Variants in RPL26 observed in about 807,000 individuals in gnomAD.
The protein encoded by RPL26 is large ribosomal subunit protein uL24.
A neutral mutation model predicts 16.2 loss-of-function variants in RPL26; 1 was observed. The ratio of observed to expected loss-of-function variants is 0.06; its 90% CI spans 0.02 to 0.29. The LOEUF is 0.29. Among genes scored for constraint, RPL26 ranks in the 10% least tolerant of loss-of-function variants. RPL26 has a pLI of 1.00. For synonymous variants in RPL26, 55 were observed against 62.4 expected (o/e 0.88, Z 0.56); for missense variants, 102 against 184.3 (o/e 0.55, Z 2.58).
Position 8,377,689 on chromosome 17 carries a change from C to T in RPL26, c.313G>A (p.Val105Ile), listed in dbSNP as rs375536189. ...TTGTCCAGTTTTAGCCTAGTGATAA[C>T]CACCTGCAGAAAAATAAGAAAAAAA... ...VHVGIHPSKV[V>I]ITRLKLDKDR... is the part of the protein sequence containing the mutation. The change falls in exon 4 of 4, where the codon GTT (valine) becomes ATT (isoleucine). Residue 105 changes from valine (V) to isoleucine (I), a missense_variant. Physicochemically the swap from Val to Ile is conservative, Grantham distance 29. Coordinates refer to ENST00000648839, the MANE Select transcript of RPL26 (RefSeq NM_000987.5). 1 of 1,602,218 alleles carries T rather than the reference C, an allele frequency of 6.2e-7. No homozygotes were observed. Among genetic ancestry groups the T allele is most frequent in the African/African-American group, 1.3e-5 (1 of 74,362 alleles).
intron 2 of RPL26, 76 bp from the exon 3 acceptor site, chr17:8,380,012 T>C (rs1567705000): frequency 8.3e-7 from 1 of 1,208,684 alleles, no homozygotes; most frequent in Non-Finnish European, 1.2e-6. Context: ...AACTCATGCA[T>C]ACACCATTCA....
chr17:8,383,027 A>G (rs1597497000), intron 1 of RPL26, 130 bp downstream of exon 1: 4 of 398,112 alleles, frequency 1.0e-5, no homozygotes, highest in Middle Eastern at 6.2e-4. Flanking sequence ...CAGATAAAAA[A>G]CCATCCCAGT....
At chr17:8,381,904 G>A (rs545198103) in intron 2 of RPL26, 6 of 352,458 alleles carry the variant, frequency 1.7e-5, no homozygotes, top group Non-Finnish European at 5.1e-6. Flanking sequence ...ACTCCAGCCT[G>A]GGGGGGACAA....
At chr17:8,380,325 T>A (rs930332047) in intron 2 of RPL26, among the ~76,000 whole-genome samples, 2 of 152,212 alleles carry the variant, frequency 1.3e-5, no homozygotes, top group Non-Finnish European at 1.5e-5. Context: ...TTGGTATGTA[T>A]TGAAAACAGA....
intron 2 of RPL26, 126 bp from the exon 3 acceptor site, chr17:8,380,062 T>C: frequency 1.4e-6 from 1 of 697,384 alleles, no homozygotes; most frequent in Non-Finnish European, 2.4e-6. Flanking sequence ...AAGAGCCCAC[T>C]TCGGCAACCT....
At chr17:8,381,229 A>G (rs1299326804) in intron 2 of RPL26, 1 of 152,106 alleles carries the variant, frequency 6.6e-6, no homozygotes, top group South Asian at 2.1e-4. Flanking sequence ...TTATCCTTAA[A>G]AAAACTCCCA....
intron 1 of RPL26, chr17:8,382,663 G>A: frequency 6.9e-6 from 2 of 291,156 alleles, no homozygotes; most frequent in Non-Finnish European, 6.3e-6. Context: ...GACCGACAAC[G>A]CAATTCTCTT....
rs765031888 is a variant in RPL26 at position 8,379,826 on chromosome 17, T to G, written c.279A>C (p.Thr93=). ...ERVQREKANG[T]TVHVGIHPSK... is the part of the protein sequence containing the mutation. ...TGGGGTGAATGCCTACGTGGACAGT[T>G]GTGCCATTAGCCTTTTCCCGCTGCA... The change falls in exon 3 of 4, where the codon ACA becomes ACC. Residue 93 remains threonine (T), a synonymous_variant. Coordinates refer to ENST00000648839, the MANE Select transcript of RPL26 (RefSeq NM_000987.5). The G allele has an allele frequency of 4.3e-6, 7 of 1,613,802 alleles. 1 individual carries two copies. The South Asian group carries it at 7.7e-5, about 18-fold the overall frequency.
intron 1 of RPL26, 128 bp from the exon 2 acceptor site, chr17:8,382,443 C>A (rs917271766): frequency 5.9e-6 from 4 of 672,396 alleles, no homozygotes; most frequent in East Asian, 5.8e-5. Context: ...GCAACTTCAA[C>A]AAAAACTGTT....
chr17:8,383,173 G>A lies in RPL26; in HGVS notation c.-22C>T, dbSNP rs1193529815. ...AATCCTTACCCGCTCCCGCTTCGGT[G>A]ATGGCCGCAAAAGGGAAGAGAACTA... is the stretch of plus-strand genomic sequence containing the variant. On this transcript the variant is annotated 5_prime_UTR_variant, in exon 1 of 4. Coordinates refer to ENST00000648839, the MANE Select transcript of RPL26 (RefSeq NM_000987.5). 2.5e-6 allele frequency: 1 copy of A among 398,500 alleles called. No individual in the cohort carries two copies. Among genetic ancestry groups the A allele is most frequent in the South Asian group, 1.3e-4 (1 of 7,856 alleles). The allele number at this position is 398,500 out of a possible 1,614,324, so 24.7% of individuals were successfully genotyped here.
intron 2 of RPL26, chr17:8,380,967 G>A (rs1907381673): frequency 1.3e-5 from 2 of 152,142 alleles, no homozygotes; most frequent in South Asian, 2.1e-4. Context: ...TACAGTTTAG[G>A]CAGCTAGAGG....
At position 8,382,206 on chromosome 17, in the gene RPL26, G is replaced by C. The variant is rs1907452738; in HGVS notation, c.105C>G (p.Ser35=). 1.2e-6 allele frequency: 2 copies of C among 1,613,798 alleles called. No homozygotes were observed. Among genetic ancestry groups the C allele is most frequent in the Non-Finnish European group, 1.7e-6 (2 of 1,179,728 alleles). The change falls in exon 2 of 4, where the codon TCC becomes TCG. Residue 35 remains serine (S), a synonymous_variant. Transcript: ENST00000648839. ...IRRKIMSSPL[S]KELRQKYNVR... is the part of the protein sequence containing the mutation. Reference sequence around the variant, plus strand: ...CGTTGTACTTCTGTCTCAGCTCTTTGGAAAGAGGGGAAGACATAATCTTCC... The same window carrying C: ...CGTTGTACTTCTGTCTCAGCTCTTTCGAAAGAGGGGAAGACATAATCTTCC...
rs776719793 is a variant in RPL26 at position 8,377,596 on chromosome 17, T to G, written c.406A>C (p.Lys136Gln). 1 of 1,602,548 alleles carries G rather than the reference T, an allele frequency of 6.2e-7. No homozygotes were observed. The highest frequency in any genetic ancestry group is 1.1e-5 in the South Asian group (1 of 90,882). The part of the protein sequence containing the change: ...RQVGKEKGKY[K>Q]EETIEKMQE Reference sequence around the variant, plus strand: ...TGCATCTTCTCAATGGTTTCTTCCTTGTATTTGCCCTTTTCCTTTCCTACT... The same window carrying G: ...TGCATCTTCTCAATGGTTTCTTCCTGGTATTTGCCCTTTTCCTTTCCTACT... The change falls in exon 4 of 4, where the codon AAG becomes CAG. Residue 136 changes from lysine (K) to glutamine (Q), a missense_variant. By Grantham distance (53) the Lys-to-Gln change is moderately conservative. Coordinates refer to ENST00000648839, the MANE Select transcript of RPL26 (RefSeq NM_000987.5).
At chr17:8,380,418 T>C (rs893958143) in intron 2 of RPL26, among the ~76,000 whole-genome samples, 3 of 152,206 alleles carry the variant, frequency 2.0e-5, no homozygotes, top group African/African-American at 7.2e-5. Flanking sequence ...CACTGCTTGT[T>C]TGGGAACCCA....
At position 8,377,792 on chromosome 17, in the gene RPL26, G is replaced by A. The variant is rs183639599; in HGVS notation, c.310-100C>T. 1.4e-4 allele frequency: 147 copies of A among 1,059,358 alleles called. No homozygotes were observed. The African/African-American group carries it at 2.1e-3, about 15-fold the overall frequency. The allele number at this position is 1,059,358 out of a possible 1,614,324, so 65.6% of individuals were successfully genotyped here. A position where few individuals can be genotyped will look rare whatever the true frequency, so the allele number is the denominator to read the frequency against. On this transcript the variant is annotated intron_variant, in intron 3 of 3. Transcript: ENST00000648839. ...ATACCATTTCCCAAACCTGGGGTAGGTGGATGCCTAATAAGAAAAGATTTT... is the reference window on the plus strand; with the variant it reads ...ATACCATTTCCCAAACCTGGGGTAGATGGATGCCTAATAAGAAAAGATTTT...
intron 1 of RPL26, 29 bp downstream of exon 1, chr17:8,383,128 T>C: frequency 2.5e-6 from 1 of 398,562 alleles, no homozygotes; most frequent in Admixed American, 4.4e-5. Context: ...TGGCTGCTGA[T>C]TACACCCGCT....
chr17:8,381,903 T>C, intron 2 of RPL26: 1 of 346,446 alleles, frequency 2.9e-6, no homozygotes, highest in Middle Eastern at 9.1e-4. Context: ...CACTCCAGCC[T>C]GGGGGGGACA....
At chr17:8,382,383 AATG>A in intron 1 of RPL26, 68 bp from the exon 2 acceptor site, 1 of 1,144,902 alleles carries the variant, frequency 8.7e-7, no homozygotes, top group Non-Finnish European at 1.3e-6. Context: ...AAATAACCGC[AATG>A]ATTTTATCTT....
At chr17:8,377,838 AATCACTCTTT>A in intron 3 of RPL26, 146 bp from the exon 4 acceptor site, 7 of 668,000 alleles carry the variant, frequency 1.0e-5, no homozygotes, top group Non-Finnish European at 1.6e-5. Context: ...AAACTCCAGA[AATCACTCTTT>A]AGCCATCAAA....
Sources: gnomAD v4.1 joint callset for allele counts (sites outside exome capture counted in the v4.1 genomes callset) on GRCh38, gnomAD v4.1.1 for gene constraint, MANE v1.5 for transcripts, NCBI Gene and HGNC (gene_info 2026-07-23, HGNC 2026-07-21) for gene names.